LPP: variants seen among roughly 807,000 people sequenced by gnomAD.
LPP encodes lipoma-preferred partner.
In LPP, 38 loss-of-function variants were observed where a neutral mutation model predicts 60.4. That is an observed-to-expected ratio of 0.63 (90% CI 0.49 to 0.83). The LOEUF (loss-of-function observed/expected upper bound fraction) is 0.83, where lower values mean the gene tolerates loss of function less well. Among genes scored for constraint, LPP ranks in the 40% least tolerant of loss-of-function variants. The pLI is 0.00. For synonymous variants in LPP, 328 were observed against 290.8 expected (o/e 1.13, Z -1.30); for missense variants, 902 against 783.6 (o/e 1.15, Z -1.80).
At chr3:188,638,206 C>G in intron 7 of LPP, among the ~76,000 whole-genome samples, 1 of 138,808 alleles carries the variant, frequency 7.2e-6, no homozygotes, top group Non-Finnish European at 1.6e-5. Context: ...AAGGCTGGTT[C>G]AATATATGCA....
chr3:188,181,137 G>A (rs1289221274), intron 1 of LPP, among the ~76,000 whole-genome samples: 4 of 152,026 alleles, frequency 2.6e-5, no homozygotes, highest in African/African-American at 7.2e-5. Context: ...GGCGGATCAC[G>A]AGGTCAGGGA....
intron 6 of LPP, among the ~76,000 whole-genome samples, chr3:188,599,751 G>GAGGGGGGTGTGTGTGTGTGT: frequency 7.1e-6 from 1 of 139,906 alleles, no homozygotes; most frequent in African/African-American, 2.7e-5. Flanking sequence ...ACTCGTTAGG[G>GAGGGGGGTGTGTGTGTGTGT]GTGTGTGTGT....
At chr3:188,283,123 C>T (rs1467390265) in intron 2 of LPP, among the ~76,000 whole-genome samples, 1 of 152,114 alleles carries the variant, frequency 6.6e-6, no homozygotes, top group East Asian at 1.9e-4. Flanking sequence ...TCTAGAGGCA[C>T]AAGGAGAGGT....
chr3:188,687,775 C>CTTTTTTTTTTTTTTTTTTTTTT (rs61574227), intron 7 of LPP, among the ~76,000 whole-genome samples: 1 of 127,124 alleles, frequency 7.9e-6, no homozygotes. Flanking sequence ...GTCTTATACT[C>CTTTTTTTTTTTTTTTTTTTTTT]TTTTTTTTTT....
At chr3:188,585,503 C>G (rs996644096) in intron 6 of LPP, among the ~76,000 whole-genome samples, 7 of 152,246 alleles carry the variant, frequency 4.6e-5, no homozygotes, top group South Asian at 2.1e-4. Flanking sequence ...GCACTGCCCC[C>G]TAGTAAAAAA....
intron 4 of LPP, among the ~76,000 whole-genome samples, chr3:188,455,522 CAT>C (rs1318101800): frequency 2.0e-5 from 3 of 152,104 alleles, no homozygotes; most frequent in Admixed American, 1.3e-4. Flanking sequence ...TAATTGATAT[CAT>C]GTGTGACATT....
intron 2 of LPP, among the ~76,000 whole-genome samples, chr3:188,244,371 G>A (rs1726106007): frequency 6.6e-6 from 1 of 152,212 alleles, no homozygotes; most frequent in African/African-American, 2.4e-5. Context: ...AGACATGGAA[G>A]AGGCAGAGTG....
intron 2 of LPP, among the ~76,000 whole-genome samples, chr3:188,290,083 C>T (rs938801978): frequency 2.0e-5 from 3 of 152,048 alleles, no homozygotes; most frequent in Non-Finnish European, 4.4e-5. Context: ...AGTGATTCTC[C>T]TTCCTCAGCC....
At chr3:188,858,493 C>G (rs1326864645) in intron 9 of LPP, among the ~76,000 whole-genome samples, 3 of 152,176 alleles carry the variant, frequency 2.0e-5, no homozygotes, top group Non-Finnish European at 4.4e-5. Context: ...TTGAGATTTT[C>G]TTTTCCGATT....
chr3:188,824,576 GT>G (rs1754879637), intron 9 of LPP, among the ~76,000 whole-genome samples: 1 of 152,042 alleles, frequency 6.6e-6, no homozygotes, highest in African/African-American at 2.4e-5. Context: ...ATCACCTTGA[GT>G]TGGTCTGTGA....
chr3:188,379,586 A>G (rs1776292812), intron 3 of LPP, among the ~76,000 whole-genome samples: 1 of 152,242 alleles, frequency 6.6e-6, no homozygotes, highest in South Asian at 2.1e-4. Flanking sequence ...AATCTCTTGC[A>G]TCCGGTACTA....
chr3:188,771,359 G>C (rs1324638463), intron 9 of LPP, among the ~76,000 whole-genome samples: 2 of 151,940 alleles, frequency 1.3e-5, no homozygotes, highest in Non-Finnish European at 2.9e-5. Context: ...GACCAGACTG[G>C]CTAACATAGT....
intron 7 of LPP, among the ~76,000 whole-genome samples, chr3:188,674,548 C>T (rs756080527): frequency 3.9e-5 from 6 of 152,132 alleles, no homozygotes; most frequent in Non-Finnish European, 7.4e-5. Flanking sequence ...CACCGAAGCT[C>T]TAGCTGAATT....
intron 7 of LPP, among the ~76,000 whole-genome samples, chr3:188,681,291 G>A (rs1034440459): frequency 6.6e-6 from 1 of 152,152 alleles, no homozygotes; most frequent in African/African-American, 2.4e-5. Flanking sequence ...ACCGCACCCG[G>A]CCGCATTTCC....
chr3:188,276,906 T>TC (rs1374913777), intron 2 of LPP, among the ~76,000 whole-genome samples: 1 of 134,972 alleles, frequency 7.4e-6, no homozygotes, highest in Admixed American at 7.4e-5. Context: ...TTTTTTTTTT[T>TC]TTTTTTTTTT....
chr3:188,596,479 A>C (rs1333329062), intron 6 of LPP, among the ~76,000 whole-genome samples: 1 of 152,208 alleles, frequency 6.6e-6, no homozygotes, highest in Non-Finnish European at 1.5e-5. Flanking sequence ...ATCAGTGGAC[A>C]GACAACTCCA....
At position 188,579,185 on chromosome 3, in the gene LPP, C is replaced by T. The variant is rs1835457175; in HGVS notation, c.430-29976C>T. ...GGAACGTGGCTAGAGCTGCCAAAGC[C>T]ATCGCTGAATCCTGCCAAAAGCATC... On this transcript the variant is annotated intron_variant, in intron 6 of 11. Transcript: ENST00000617246. Among the ~76,000 whole-genome samples the T allele has an allele frequency of 2.6e-5, 4 of 152,320 alleles. No individual in the cohort carries two copies. The South Asian group carries it at 8.3e-4, about 32-fold the overall frequency.
At chr3:188,826,163 T>C (rs977190019) in intron 9 of LPP, among the ~76,000 whole-genome samples, 1 of 152,298 alleles carries the variant, frequency 6.6e-6, no homozygotes. Context: ...CAAACACTTG[T>C]AGACTCTCCA....
intron 3 of LPP, among the ~76,000 whole-genome samples, chr3:188,382,343 G>A (rs537629829): frequency 1.3e-5 from 2 of 152,238 alleles, no homozygotes; most frequent in Admixed American, 1.3e-4. Context: ...CCTGTGCATT[G>A]AATCTAGGCT....
Sources: allele counts gnomAD v4.1 joint callset (sites outside exome capture counted in the v4.1 genomes callset), GRCh38; gene constraint gnomAD v4.1.1; transcripts MANE v1.5; gene names NCBI Gene and HGNC (gene_info 2026-07-23, HGNC 2026-07-21).